ARHGAP44: variants seen among roughly 807,000 people sequenced by gnomAD.
ARHGAP44 encodes Rho GTPase activating protein 44, also known as rho GTPase-activating protein 44.
A neutral mutation model predicts 106.8 loss-of-function variants in ARHGAP44; 43 were observed. That is an observed-to-expected ratio of 0.40 (90% confidence interval 0.32 to 0.52). ARHGAP44 has a LOEUF of 0.52. Ranked by LOEUF, ARHGAP44 falls within the 20% of genes least tolerant of loss-of-function variation. The probability of loss-of-function intolerance (pLI) is 0.48; values close to 1 mark genes in which losing one functional copy is unlikely to be tolerated. For synonymous variants in ARHGAP44, 439 were observed against 410.3 expected (o/e 1.07, Z -0.85); for missense variants, 866 against 1,050.5 (o/e 0.82, Z 2.43).
intron 1 of ARHGAP44, 127 bp from the exon 2 acceptor site, chr17:12,894,813 T>G: frequency 1.2e-6 from 1 of 803,974 alleles, no homozygotes; most frequent in East Asian, 2.9e-5. Context: ...CTCTATTCTC[T>G]TATTAAATGT....
At chr17:12,956,533 C>A in intron 14 of ARHGAP44, 122 bp from the exon 15 acceptor site, 2 of 738,638 alleles carry the variant, frequency 2.7e-6, no homozygotes, top group Non-Finnish European at 4.6e-6. Context: ...TGCTCTCAAA[C>A]CTCTGTCTGT....
At position 12,845,457 on chromosome 17, in the gene ARHGAP44, G is replaced by A. The variant is rs183711570; in HGVS notation, c.54-49483G>A. ...CGGGAGGCGGAGGTTGCAGTGAGCCGAGATCGCGCCATTGCACTCCAGCCT... is the reference window on the plus strand; with the variant it reads ...CGGGAGGCGGAGGTTGCAGTGAGCCAAGATCGCGCCATTGCACTCCAGCCT... On this transcript the variant is annotated intron_variant, in intron 1 of 20. Transcript: ENST00000379672. Among the ~76,000 whole-genome samples, 294 of 147,252 alleles carry A rather than the reference G, an allele frequency of 2.0e-3. 4 individuals are homozygous for A. The highest frequency in any genetic ancestry group is 0.018 in the Admixed American group (262 of 14,762).
At chr17:12,919,165 CTA>C (rs2038000259) in intron 5 of ARHGAP44, among the ~76,000 whole-genome samples, 1 of 152,086 alleles carries the variant, frequency 6.6e-6, no homozygotes, top group Admixed American at 6.5e-5. Context: ...AAAATAGAAA[CTA>C]TGGGATGTGA....
intron 5 of ARHGAP44, among the ~76,000 whole-genome samples, chr17:12,917,015 G>T (rs1056093760): frequency 6.6e-5 from 10 of 152,090 alleles, no homozygotes; most frequent in African/African-American, 2.4e-4. Context: ...ATGCTCAACC[G>T]GTAAATATGA....
intron 1 of ARHGAP44, among the ~76,000 whole-genome samples, chr17:12,870,136 ACTCCCAGGCTCCAGAGATC>A (rs1410722356): frequency 1.4e-5 from 2 of 142,030 alleles, no homozygotes; most frequent in African/African-American, 5.2e-5. Context: ...GCAACCTCCA[ACTCCCAGGCTCCAGAGATC>A]CTCCCACCTC....
chr17:12,870,044 C>T (rs1371885771), intron 1 of ARHGAP44, among the ~76,000 whole-genome samples: 1 of 98,654 alleles, frequency 1.0e-5, no homozygotes, highest in Non-Finnish European at 2.0e-5. Context: ...TCAACAAATA[C>T]CGTCTTTTTT....
intron 12 of ARHGAP44, among the ~76,000 whole-genome samples, chr17:12,950,908 G>C (rs989718722): frequency 1.3e-5 from 2 of 152,194 alleles, no homozygotes; most frequent in African/African-American, 4.8e-5. Flanking sequence ...AGGAACAACA[G>C]TGAAATATGT....
chr17:12,970,799 A>G (rs1339981316), intron 16 of ARHGAP44, among the ~76,000 whole-genome samples: 2 of 152,216 alleles, frequency 1.3e-5, no homozygotes, highest in African/African-American at 4.8e-5. Flanking sequence ...ATAACCTTCT[A>G]GTTGGATCCC....
chr17:12,887,310 C>A lies in ARHGAP44; in HGVS notation c.54-7630C>A, dbSNP rs531134196. ...AGGAGTGATCATGGCTCACATTGAA[C>A]CTTGACCTCCTGGGCTCCAGCGATC... On this transcript the variant is annotated intron_variant, in intron 1 of 20. Transcript: ENST00000379672. Among the ~76,000 whole-genome samples, 3 of 152,236 alleles carry A rather than the reference C, an allele frequency of 2.0e-5. No homozygotes were observed. In the East Asian group the frequency reaches 5.8e-4, roughly 29 times the overall value.
chr17:12,840,826 C>G (rs1239044369), intron 1 of ARHGAP44, among the ~76,000 whole-genome samples: 1 of 152,212 alleles, frequency 6.6e-6, no homozygotes, highest in Non-Finnish European at 1.5e-5. Context: ...GATCTTGAAG[C>G]TGCAGGAGAG....
intron 1 of ARHGAP44, among the ~76,000 whole-genome samples, chr17:12,861,655 T>TTTTTTTTTTTTTTTTTTTTTG (rs748243626): frequency 6.7e-5 from 1 of 14,954 alleles, no homozygotes; most frequent in African/African-American, 1.6e-4. Context: ...TTTTTTTTTT[T>TTTTTTTTTTTTTTTTTTTTTG]TTTGAGATGG....
chr17:12,838,584 C>T (rs56333353), intron 1 of ARHGAP44, among the ~76,000 whole-genome samples: 19,279 of 152,046 alleles, frequency 0.13, 2,581 homozygotes, highest in African/African-American at 0.34. Flanking sequence ...TCAGGGGTGA[C>T]GTTGACTTGC....
At chr17:12,817,683 A>G (rs745353297) in intron 1 of ARHGAP44, among the ~76,000 whole-genome samples, 13 of 152,080 alleles carry the variant, frequency 8.5e-5, no homozygotes, top group Non-Finnish European at 1.6e-4. Flanking sequence ...GGAATAAACA[A>G]CGGGATATCA....
At chr17:12,960,573 A>G (rs2039237527) in intron 16 of ARHGAP44, among the ~76,000 whole-genome samples, 1 of 151,940 alleles carries the variant, frequency 6.6e-6, no homozygotes, top group African/African-American at 2.4e-5. Context: ...CTCAAAGAAA[A>G]AAAAAGAAAG....
At chr17:12,976,350 C>T (rs2143364701) in intron 18 of ARHGAP44, among the ~76,000 whole-genome samples, 1 of 152,118 alleles carries the variant, frequency 6.6e-6, no homozygotes, top group South Asian at 2.1e-4. Flanking sequence ...CGGTGGCTCA[C>T]ACCTGTAATC....
chr17:12,991,114 G>A lies in ARHGAP44; in HGVS notation c.*943G>A, dbSNP rs899073935. On this transcript the variant is annotated 3_prime_UTR_variant, in exon 21 of 21. Transcript: ENST00000379672. ...AGACGCTGGCCCACGGGCTCGGCCTGCGGTGTGGCCTGCTTTGCTCACCAG... is the reference window on the plus strand; with the variant it reads ...AGACGCTGGCCCACGGGCTCGGCCTACGGTGTGGCCTGCTTTGCTCACCAG... 6.6e-6 allele frequency: 1 copy of A among 152,598 alleles called. No individual in the cohort carries two copies. The highest frequency in any genetic ancestry group is 2.1e-4 in the South Asian group (1 of 4,834). The allele number at this position is 152,598 out of a possible 1,614,324, so 9.5% of individuals were successfully genotyped here.
At chr17:12,948,290 C>T (rs145977088) in intron 10 of ARHGAP44, among the ~76,000 whole-genome samples, 5 of 152,282 alleles carry the variant, frequency 3.3e-5, no homozygotes, top group Admixed American at 1.3e-4. Context: ...CTCTTGAGAA[C>T]GGAATGCAGA....
intron 1 of ARHGAP44, among the ~76,000 whole-genome samples, chr17:12,871,001 C>T (rs151334096): frequency 6.6e-6 from 1 of 152,010 alleles, no homozygotes; most frequent in East Asian, 1.9e-4. Context: ...CGCCTTTCTT[C>T]CTTTTCTCTT....
Position 12,979,966 on chromosome 17 carries a change from CAGA to C in ARHGAP44, c.1764-89_1764-87del. ...AGCTGGGACAGACTTGCACGGGGCC[CAGA>C]AGGACACACAGGGTGGCCATCGGCA... is the stretch of plus-strand genomic sequence containing the variant. On this transcript the variant is annotated intron_variant, in intron 18 of 20. Transcript: ENST00000379672. The C allele has an allele frequency of 2.2e-6, 3 of 1,354,088 alleles. No individual in the cohort carries two copies. In the South Asian group the frequency reaches 4.4e-5, roughly 20 times the overall value. 83.9% of individuals were successfully genotyped at this position (1,354,088 alleles called of 1,614,324 possible).
Sources: gnomAD v4.1 joint callset for allele counts (sites outside exome capture counted in the v4.1 genomes callset) on GRCh38, gnomAD v4.1.1 for gene constraint, MANE v1.5 for transcripts, NCBI Gene and HGNC (gene_info 2026-07-23, HGNC 2026-07-21) for gene names.